The following COA1 variants were observed in gnomAD, a reference collection of about 807,000 sequenced individuals.
The protein encoded by COA1 is cytochrome c oxidase assembly factor 1 homolog.
Under a neutral mutation model 16.0 loss-of-function variants are expected in COA1, and 13 were observed. That is an observed-to-expected ratio of 0.81 (90% CI 0.53 to 1.29). The LOEUF is 1.29. Among genes scored for constraint, COA1 ranks in the 50% most tolerant of loss-of-function variants. COA1 has a pLI of 0.00. For missense variants in COA1, 179 were observed against 177.0 expected, an observed-to-expected ratio of 1.01 and a Z score of -0.06; for synonymous variants, 65 against 65.7, an observed-to-expected ratio of 0.99 and a Z score of 0.05.
At chr7:43,691,425 G>GAAAGAAAT (rs565276218) in intron 1 of COA1, among the ~76,000 whole-genome samples, 1,371 of 32,430 alleles carry the variant, frequency 0.042, 43 homozygotes, top group East Asian at 0.058. Flanking sequence ...GAAAGAAAAA[G>GAAAGAAAT]AAAGAAAGAA....
At chr7:43,710,366 AAAAAAAAAAAT>A (rs1281143171) in intron 1 of COA1, among the ~76,000 whole-genome samples, 1 of 121,552 alleles carries the variant, frequency 8.2e-6, no homozygotes, top group African/African-American at 3.5e-5. Context: ...AAAAAAAAAA[AAAAAAAAAAAT>A]ATATATATAT....
Sources: allele counts gnomAD v4.1 joint callset (sites outside exome capture counted in the v4.1 genomes callset), GRCh38; gene constraint gnomAD v4.1.1; transcripts MANE v1.5; gene names NCBI Gene and HGNC (gene_info 2026-07-23, HGNC 2026-07-21).